Variants in RNF169 observed in about 807,000 individuals in gnomAD.
The protein encoded by RNF169 is E3 ubiquitin-protein ligase RNF169.
Under a neutral mutation model 53.9 loss-of-function variants are expected in RNF169, and 24 were observed. That is an observed-to-expected ratio of 0.45 (90% CI 0.32 to 0.63). The LOEUF is 0.63. RNF169 is among the 20% of genes least tolerant of loss of function. The pLI is 0.04. For missense variants in RNF169, 883 were observed against 906.2 expected, an observed-to-expected ratio of 0.97 and a Z score of 0.33; for synonymous variants, 396 against 363.5, an observed-to-expected ratio of 1.09 and a Z score of -1.02.
intron 1 of RNF169, among the ~76,000 whole-genome samples, chr11:74,780,336 C>G (rs1257808609): frequency 6.6e-6 from 1 of 152,170 alleles, no homozygotes; most frequent in South Asian, 2.1e-4. Context: ...GTGACTACAT[C>G]TTCAAATCTC....
chr11:74,832,410 A>G (rs988061599), intron 4 of RNF169: 1 of 151,950 alleles, frequency 6.6e-6, no homozygotes, highest in African/African-American at 2.4e-5. Flanking sequence ...CCCCAGCTAC[A>G]GGTAGTTGTC....
At chr11:74,809,104 T>C (rs1013490516) in intron 2 of RNF169, among the ~76,000 whole-genome samples, 1 of 152,132 alleles carries the variant, frequency 6.6e-6, no homozygotes, top group Non-Finnish European at 1.5e-5. Context: ...GGTTTTTTTT[T>C]CCTGTTTTTG....
chr11:74,815,522 C>CT (rs1247340528), intron 3 of RNF169, among the ~76,000 whole-genome samples: 1 of 152,012 alleles, frequency 6.6e-6, no homozygotes, highest in Non-Finnish European at 1.5e-5. Flanking sequence ...TGCCACTGTA[C>CT]TCCAGCCTGG....
chr11:74,749,413 G>A, intron 1 of RNF169, 31 bp downstream of exon 1: 5 of 1,238,908 alleles, frequency 4.0e-6, no homozygotes, highest in Non-Finnish European at 5.1e-6. Context: ...CTTAGGGTCT[G>A]GAGCGAGGCC....
At chr11:74,826,265 A>T (rs1263361133) in intron 4 of RNF169, among the ~76,000 whole-genome samples, 1 of 152,166 alleles carries the variant, frequency 6.6e-6, no homozygotes, top group Non-Finnish European at 1.5e-5. Context: ...GGTGGATGTC[A>T]CAGCGAGCCA....
intron 4 of RNF169, among the ~76,000 whole-genome samples, chr11:74,829,721 T>A (rs2036149363): frequency 6.6e-6 from 1 of 152,218 alleles, no homozygotes; most frequent in South Asian, 2.1e-4. Flanking sequence ...GAAGCCATCA[T>A]TCTCAGCAAA....
intron 1 of RNF169, among the ~76,000 whole-genome samples, chr11:74,775,854 C>G (rs907723385): frequency 6.6e-6 from 1 of 152,058 alleles, no homozygotes; most frequent in Non-Finnish European, 1.5e-5. Flanking sequence ...TCTTTGAGGT[C>G]AGGGATTATG....
intron 1 of RNF169, among the ~76,000 whole-genome samples, chr11:74,753,233 G>T (rs978818867): frequency 1.3e-5 from 2 of 152,204 alleles, no homozygotes; most frequent in Admixed American, 6.5e-5. Context: ...CTCCCAAAGT[G>T]CTGGGATTAC....
In RNF169 at chr11:74,838,915, CTT is replaced by C. The variant is rs2036297492; in HGVS notation, c.*2186_*2187del. ...AGTCTTGTTGGTAGGAGCAAAGACA[CTT>C]ATTTTTCCACTTGCCATCTTTCTCT... On this transcript the variant is annotated 3_prime_UTR_variant, in exon 6 of 6. Coordinates refer to ENST00000299563, the MANE Select transcript of RNF169 (RefSeq NM_001098638.2). The C allele has an allele frequency of 6.6e-6, 1 of 152,092 alleles. No homozygotes were observed. Among genetic ancestry groups the C allele is most frequent in the African/African-American group, 2.4e-5 (1 of 41,394 alleles). The allele number at this position is 152,092 out of a possible 1,614,324, so 9.4% of individuals were successfully genotyped here.
chr11:74,750,321 A>AT (rs1407055484), intron 1 of RNF169, among the ~76,000 whole-genome samples: 5 of 152,058 alleles, frequency 3.3e-5, no homozygotes, highest in Non-Finnish European at 7.4e-5. Context: ...CTAGAATGAG[A>AT]TTTTCAAGAA....
Position 74,835,741 on chromosome 11 carries a change from A to C in RNF169, c.1138A>C (p.Asn380His). The change falls in exon 6 of 6, where the codon AAC (asparagine) becomes CAC (histidine). Residue 380 changes from asparagine to histidine, a missense_variant. Physicochemically the swap from Asn to His is moderately conservative, Grantham distance 68 (BLOSUM62 1). This residue lies in a region of RNF169 where 219 missense variants were observed against 289.1 expected (regional missense o/e 0.76). Transcript: ENST00000299563. ...CAATGACAGCATCTCCGAAGAACTAAACCATTTCAAGCCCATTGTCTGCTC... is the reference window on the plus strand; with the variant it reads ...CAATGACAGCATCTCCGAAGAACTACACCATTTCAAGCCCATTGTCTGCTC... The part of the protein sequence containing the change: ...ESNDSISEEL[N>H]HFKPIVCSPC... 3.1e-6 allele frequency: 5 copies of C among 1,614,150 alleles called. No individual in the cohort carries two copies. The highest frequency in any genetic ancestry group is 4.2e-6 in the Non-Finnish European group (5 of 1,180,014).
intron 5 of RNF169, 86 bp from the exon 6 acceptor site, chr11:74,835,460 C>G: frequency 9.8e-7 from 1 of 1,018,166 alleles, no homozygotes; most frequent in East Asian, 2.4e-5. Context: ...CTCCCCTTCC[C>G]TGTGCCTCCA....
chr11:74,766,264 G>A lies in RNF169; in HGVS notation c.502+16882G>A, dbSNP rs540640213. ...AATCTCCCCACAAAGCAATACCACC[G>A]CGTGGACACAATGAGCAAAATGCAG... On this transcript the variant is annotated intron_variant, in intron 1 of 5. Coordinates refer to ENST00000299563, the MANE Select transcript of RNF169 (RefSeq NM_001098638.2). Among the ~76,000 whole-genome samples, 11 of 152,200 alleles carry A rather than the reference G, an allele frequency of 7.2e-5. No homozygotes were observed. The East Asian group carries it at 1.7e-3, about 24-fold the overall frequency.
In RNF169 at chr11:74,828,516, C is replaced by T. The variant is rs186205695; in HGVS notation, c.843-6160C>T. Among the ~76,000 whole-genome samples the T allele has an allele frequency of 3.2e-3, 489 of 152,200 alleles. 1 individual carries two copies. The highest frequency in any genetic ancestry group is 0.011 in the African/African-American group (472 of 41,532). On this transcript the variant is annotated intron_variant, in intron 4 of 5. Transcript: ENST00000299563. ...TATGGAACCAAAACCATTTAAAATT[C>T]ATATGGAACCTGAATATTCATGACA...
intron 1 of RNF169, among the ~76,000 whole-genome samples, chr11:74,787,735 G>A (rs934334554): frequency 1.3e-5 from 2 of 152,152 alleles, no homozygotes; most frequent in Non-Finnish European, 2.9e-5. Flanking sequence ...TGACAGAGGG[G>A]CAATTTGGTG....
At chr11:74,771,891 ATAATT>A (rs902341679) in intron 1 of RNF169, among the ~76,000 whole-genome samples, 19 of 152,188 alleles carry the variant, frequency 1.2e-4, no homozygotes, top group African/African-American at 4.3e-4. Context: ...TCTCTATAAA[ATAATT>A]TAAAACAAAA....
chr11:74,793,036 T>G (rs1006205028), intron 2 of RNF169, among the ~76,000 whole-genome samples: 2 of 152,214 alleles, frequency 1.3e-5, no homozygotes, highest in Non-Finnish European at 2.9e-5. Context: ...TACAATGGCA[T>G]ACTATTCAGC....
At chr11:74,804,927 A>G (rs1351122563) in intron 2 of RNF169, among the ~76,000 whole-genome samples, 2 of 152,254 alleles carry the variant, frequency 1.3e-5, no homozygotes, top group Non-Finnish European at 2.9e-5. Flanking sequence ...ATACACTTTC[A>G]TGCAGTAGTA....
At chr11:74,784,534 C>T (rs565515334) in intron 1 of RNF169, among the ~76,000 whole-genome samples, 1 of 152,332 alleles carries the variant, frequency 6.6e-6, no homozygotes, top group African/African-American at 2.4e-5. Context: ...AGTGGAGGCA[C>T]ACAAGGTGTG....
Sources: allele counts gnomAD v4.1 joint callset (sites outside exome capture counted in the v4.1 genomes callset), GRCh38; gene constraint gnomAD v4.1.1; regional missense constraint gnomAD v4.1.1; transcripts MANE v1.5; gene names NCBI Gene and HGNC (gene_info 2026-07-23, HGNC 2026-07-21).